Variants in SH2B1 observed in about 807,000 individuals in gnomAD.
The protein encoded by SH2B1 is SH2B adaptor protein 1.
A neutral mutation model predicts 62.6 loss-of-function variants in SH2B1; 15 were observed. The observed-to-expected ratio is 0.24, with a 90% CI of 0.16 to 0.37. The LOEUF is 0.37. Among genes scored for constraint, SH2B1 ranks in the 10% least tolerant of loss-of-function variants. SH2B1 has a pLI of 1.00. For missense variants in SH2B1, 925 were observed against 1,015.6 expected (o/e 0.91, Z 1.21); for synonymous variants, 443 against 438.0 (o/e 1.01, Z -0.14).
chr16:28,860,189 C>T (rs1038746621), upstream of SH2B1, among the ~76,000 whole-genome samples: 1 of 152,018 alleles, frequency 6.6e-6, no homozygotes, highest in Admixed American at 6.6e-5. Context: ...TATCTCTGTC[C>T]TCCCCTTTTC....
At chr16:28,851,807 G>A (rs1312644236) in intron 1 of SH2B1, among the ~76,000 whole-genome samples, 3 of 148,972 alleles carry the variant, frequency 2.0e-5, no homozygotes, top group East Asian at 2.1e-4. Context: ...GGTGCCTCAC[G>A]CCTGTAATCC....
chr16:28,848,039 G>A (rs1399855821), intron 1 of SH2B1, among the ~76,000 whole-genome samples: 1 of 151,600 alleles, frequency 6.6e-6, no homozygotes, highest in East Asian at 2.0e-4. Context: ...TTGGCCAGAC[G>A]GCTCTCGAAC....
In SH2B1 at chr16:28,852,439, T is replaced by C. The variant is rs200368119; in HGVS notation, c.-301+5612T>C. On this transcript the variant is annotated intron_variant, in intron 1 of 10. Coordinates refer to the SH2B1 transcript ENST00000322610. Reference sequence around the variant, plus strand: ...ATTTATATATTTACATATATATTTATATATATATTTACATATATATTTATA... The same window carrying C: ...ATTTATATATTTACATATATATTTACATATATATTTACATATATATTTATA... Among the ~76,000 whole-genome samples the C allele has an allele frequency of 9.2e-4, 46 of 49,906 alleles. 5 individuals carry two copies. Among genetic ancestry groups the C allele is most frequent in the Non-Finnish European group, 1.1e-3 (31 of 27,928 alleles). The allele number at this position is 49,906 out of a possible 152,430, so 32.7% of individuals were successfully genotyped here.
At chr16:28,863,800 C>T (rs1159836451), upstream of SH2B1, 5 of 1,535,386 alleles carry the variant, frequency 3.3e-6, no homozygotes, top group Non-Finnish European at 4.4e-6. Context: ...TCTCTATGGT[C>T]TCTTCCTTCA....
intron 1 of SH2B1, among the ~76,000 whole-genome samples, chr16:28,853,123 T>G (rs929352104): frequency 7.7e-6 from 1 of 129,038 alleles, no homozygotes; most frequent in African/African-American, 2.9e-5. Context: ...TTTATATATA[T>G]TTATGTATAC....
At chr16:28,852,922 A>G (rs1484222693) in intron 1 of SH2B1, among the ~76,000 whole-genome samples, 2 of 52,088 alleles carry the variant, frequency 3.8e-5, no homozygotes, top group Non-Finnish European at 7.4e-5. Context: ...GTACATATAT[A>G]TATTTTTATA....
chr16:28,870,804 G>A (rs982264188), intron 4 of SH2B1, among the ~76,000 whole-genome samples: 8 of 151,738 alleles, frequency 5.3e-5, no homozygotes, highest in African/African-American at 1.7e-4. Flanking sequence ...CTGCGTCAGC[G>A]GCTTAAGGTG....
chr16:28,856,400 G>A (rs1962325723), intron 1 of SH2B1, among the ~76,000 whole-genome samples: 1 of 152,038 alleles, frequency 6.6e-6, no homozygotes, highest in Non-Finnish European at 1.5e-5. Context: ...GTTTCCTGAG[G>A]TTTTCAATGG....
chr16:28,872,932 G>A lies in SH2B1; in HGVS notation c.1897+227G>A. 2 of 667,870 alleles carry A rather than the reference G, an allele frequency of 3.0e-6. No homozygotes were observed. The highest frequency in any genetic ancestry group is 3.2e-4 in the Middle Eastern group (1 of 3,142). The allele number at this position is 667,870 out of a possible 1,614,324, so 41.4% of individuals were successfully genotyped here. ...TGGCCGGAGCCGGGGCGGCAGCTGAGAGGTGGGCGGGCGCATCCCCATTCC... is the reference window on the plus strand; with the variant it reads ...TGGCCGGAGCCGGGGCGGCAGCTGAAAGGTGGGCGGGCGCATCCCCATTCC... On this transcript the variant is annotated intron_variant, in intron 7 of 7. Transcript: ENST00000684370. This position sits in a 1 kb window ranked among gnomAD's most constrained non-coding sequence, Gnocchi z 5.3.
At chr16:28,853,477 A>G (rs1962253947) in intron 1 of SH2B1, among the ~76,000 whole-genome samples, 1 of 148,678 alleles carries the variant, frequency 6.7e-6, no homozygotes, top group African/African-American at 2.5e-5. Context: ...TGCTGAGATT[A>G]CAGGCATGAG....
Position 28,864,613 on chromosome 16 carries a change from G to T in SH2B1, c.-1482G>T, listed in dbSNP as rs1266676376. 1.0e-6 allele frequency: 1 copy of T among 985,462 alleles called. No individual in the cohort carries two copies. The highest frequency in any genetic ancestry group is 1.7e-5 in the African/African-American group (1 of 57,226). 61.0% of individuals were successfully genotyped at this position (985,462 alleles called of 1,614,324 possible). On this transcript the variant is annotated 5_prime_UTR_variant, in exon 1 of 8. Coordinates refer to ENST00000684370, the MANE Select transcript of SH2B1 (RefSeq NM_001387430.1). ...TAGGTTTGAACAGGAGTCTGAGGTC[G>T]CTGAGGGTTTGGGGAGGCTTTCCTG...
At position 28,872,056 on chromosome 16, in the gene SH2B1, G is replaced by A. The variant is rs978194310; in HGVS notation, c.1513+73G>A. On this transcript the variant is annotated intron_variant, in intron 5 of 7. Coordinates refer to ENST00000684370, the MANE Select transcript of SH2B1 (RefSeq NM_001387430.1). This position sits in a 1 kb window ranked among gnomAD's most constrained non-coding sequence, Gnocchi z 5.3. ...TCCTGACCACCTCTCCTGGGATCCC[G>A]AGGGAGCTGGCCCAGGGGAGTTGGG... 93 of 1,343,790 alleles carry A rather than the reference G, an allele frequency of 6.9e-5. No homozygotes were observed. The East Asian group carries it at 2.1e-3, about 30-fold the overall frequency. The allele number at this position is 1,343,790 out of a possible 1,614,324, so 83.2% of individuals were successfully genotyped here. A position where few individuals can be genotyped will look rare whatever the true frequency, so the allele number is the denominator to read the frequency against.
At chr16:28,854,509 A>G (rs1204194231) in intron 1 of SH2B1, among the ~76,000 whole-genome samples, 1 of 152,036 alleles carries the variant, frequency 6.6e-6, no homozygotes, top group Non-Finnish European at 1.5e-5. Flanking sequence ...TAATCCCAGC[A>G]CTTTAGGAGG....
chr16:28,864,498 T>G lies in SH2B1; in HGVS notation c.-1597T>G, dbSNP rs1405474261. ...CATCTCCTGATTGTTTCTCGTTGGTTTGGAGTTGTCCCTGCGGTTGGAGCC... is the reference window on the plus strand; with the variant it reads ...CATCTCCTGATTGTTTCTCGTTGGTGTGGAGTTGTCCCTGCGGTTGGAGCC... On this transcript the variant is annotated 5_prime_UTR_variant, in exon 1 of 8. Transcript: ENST00000684370. The G allele has an allele frequency of 2.0e-6, 2 of 985,694 alleles. No individual in the cohort carries two copies. Among genetic ancestry groups the G allele is most frequent in the East Asian group, 1.1e-4 (1 of 8,940 alleles). 61.1% of individuals were successfully genotyped at this position (985,694 alleles called of 1,614,324 possible). A position where few individuals can be genotyped will look rare whatever the true frequency, so the allele number is the denominator to read the frequency against.
rs1370011496 is a variant in SH2B1 at position 28,858,073 on chromosome 16, T to C, written c.-300-3545T>C. On this transcript the variant is annotated intron_variant, in intron 1 of 10. Coordinates refer to the SH2B1 transcript ENST00000322610. ...ATTAGTACATCACTGGCCATGTGATTGGTCTTACCCTTCAGGCCCCCTCCC... is the reference window on the plus strand; with the variant it reads ...ATTAGTACATCACTGGCCATGTGATCGGTCTTACCCTTCAGGCCCCCTCCC... 2.0e-5 allele frequency among the ~76,000 whole-genome samples: 3 copies of C among 152,058 alleles called. No homozygotes were observed. In the East Asian group the frequency reaches 5.8e-4, roughly 30 times the overall value.
At position 28,869,417 on chromosome 16, in the gene SH2B1, G is replaced by A. The variant is rs183113422; in HGVS notation, c.1309+34G>A. On this transcript the variant is annotated intron_variant, in intron 4 of 7. Transcript: ENST00000684370. ...GGAGCCTTAGAGAGCTCGGAGCCTC[G>A]GAACCTGCCATGCGGGGCCCCTGCT... The A allele has an allele frequency of 4.2e-5, 66 of 1,588,996 alleles. No individual in the cohort carries two copies. The African/African-American group carries it at 5.5e-4, about 13-fold the overall frequency.
chr16:28,873,635 G>A lies in SH2B1; in HGVS notation c.2086G>A (p.Val696Ile). 2 of 1,537,234 alleles carry A rather than the reference G, an allele frequency of 1.3e-6. No individual in the cohort carries two copies. Among genetic ancestry groups the A allele is most frequent in the Non-Finnish European group, 1.8e-6 (2 of 1,140,550 alleles). ...GGVPEELVPV[V>I]ELVPVVELEE... ...GGTCCCGGAAGAGCTGGTCCCCGTG[G>A]TTGAGCTGGTCCCCGTGGTTGAATT... Residue 696 changes from valine to isoleucine, a missense_variant, in exon 8 of 8, where the codon GTT (valine) becomes ATT (isoleucine). Physicochemically the swap from Val to Ile is conservative, Grantham distance 29. Coordinates refer to ENST00000684370, the MANE Select transcript of SH2B1 (RefSeq NM_001387430.1). The surrounding 1 kb of genome is among the most constrained non-coding windows in gnomAD (Gnocchi z 4.2).
intron 1 of SH2B1, among the ~76,000 whole-genome samples, chr16:28,858,056 ATCACTGGCCAT>A (rs1248586156): frequency 3.3e-5 from 5 of 151,960 alleles, no homozygotes; most frequent in Non-Finnish European, 7.4e-5. Context: ...TTATTAGTAC[ATCACTGGCCAT>A]GTGATTGGTC....
At chr16:28,847,156 T>C (rs753230188) in intron 1 of SH2B1, among the ~76,000 whole-genome samples, 1 of 152,158 alleles carries the variant, frequency 6.6e-6, no homozygotes, top group African/African-American at 2.4e-5. Context: ...ATTTTGCAGA[T>C]GAGGAGCCAA....
Sources: allele counts gnomAD v4.1 joint callset (sites outside exome capture counted in the v4.1 genomes callset), GRCh38; gene constraint gnomAD v4.1.1; non-coding constraint Gnocchi (gnomAD v3.1); transcripts MANE v1.5; gene names NCBI Gene and HGNC (gene_info 2026-07-23, HGNC 2026-07-21).